Variants in FHAD1 observed in about 807,000 individuals in gnomAD.
FHAD1 encodes the protein forkhead associated phosphopeptide binding domain 1.
A neutral mutation model predicts 191.3 loss-of-function variants in FHAD1; 146 were observed. The ratio of observed to expected loss-of-function variants is 0.76; its 90% confidence interval spans 0.67 to 0.88. The LOEUF (loss-of-function observed/expected upper bound fraction) is 0.88. FHAD1 is among the 40% of genes least tolerant of loss of function. The pLI is 0.00. For missense variants in FHAD1, 1,635 were observed against 1,785.8 expected (o/e 0.92, Z 1.52); for synonymous variants, 616 against 672.3 (o/e 0.92, Z 1.29).
At chr1:15,344,104 A>C (rs908831543) in intron 16 of FHAD1, among the ~76,000 whole-genome samples, 10 of 152,210 alleles carry the variant, frequency 6.6e-5, no homozygotes, top group Non-Finnish European at 1.5e-5. Flanking sequence ...TCCCTGCCAG[A>C]CAGACTGTGA....
chr1:15,382,084 A>T lies in FHAD1; in HGVS notation c.4079A>T (p.Asp1360Val), dbSNP rs1320338895. The T allele has an allele frequency of 1.3e-6, 2 of 1,552,142 alleles. No individual in the cohort carries two copies. Among genetic ancestry groups the T allele is most frequent in the East Asian group, 2.4e-5 (1 of 40,904 alleles). ...TCGCAGGTGGCAAAGCTGGAGGATG[A>T]TATCTACAAAGAGGCCGAAGAGAAG... Reference protein sequence around the residue: ...YQSQVAKLEDDIYKEAEEKAL... With the variant: ...YQSQVAKLEDVIYKEAEEKAL... The change falls in exon 31 of 34, where the codon GAT (aspartate) becomes GTT (valine). Residue 1360 changes from aspartate (D) to valine (V), a missense_variant. Asp to Val is a radical substitution (Grantham distance 152). Coordinates refer to ENST00000688493, the MANE Select transcript of FHAD1 (RefSeq NM_001391957.1).
intron 31 of FHAD1, among the ~76,000 whole-genome samples, chr1:15,386,849 C>CTTT (rs59453670): frequency 0.1 from 14,875 of 144,112 alleles, 1,790 homozygotes; most frequent in African/African-American, 0.3. Flanking sequence ...TCCTTTCTTT[C>CTTT]TTTTTTTTTT....
At chr1:15,359,084 G>A (rs1489320103) in intron 21 of FHAD1, among the ~76,000 whole-genome samples, 2 of 152,134 alleles carry the variant, frequency 1.3e-5, no homozygotes, top group Non-Finnish European at 1.5e-5. Context: ...GGCGCCTGGG[G>A]ACCTGATGGC....
chr1:15,385,743 C>T (rs1375307015), intron 31 of FHAD1, among the ~76,000 whole-genome samples: 2 of 148,364 alleles, frequency 1.3e-5, no homozygotes, highest in African/African-American at 2.6e-5. Flanking sequence ...CCACTGCCCT[C>T]CAGCCTGGGC....
intron 23 of FHAD1, 88 bp downstream of exon 23, chr1:15,362,814 CA>C: frequency 9.9e-7 from 1 of 1,011,358 alleles, no homozygotes; most frequent in Admixed American, 2.0e-5. Flanking sequence ...CTACCTGGGC[CA>C]CATTGTCAGA....
Position 15,313,126 on chromosome 1 carries a change from T to G in FHAD1, c.1109T>G (p.Val370Gly), listed in dbSNP as rs971830072. ...CAAGTTCAACAACTAAAGGAAGAGG[T>G]CAGTCACCTAAAAAGTCAGAACAAG... ...DEQVQQLKEE[V>G]SHLKSQNKDK... The change falls in exon 8 of 34, where the codon GTC (valine) becomes GGC (glycine). Residue 370 changes from valine (V) to glycine (G), a missense_variant. Val to Gly is a moderately radical substitution (Grantham distance 109, BLOSUM62 -3). Coordinates refer to ENST00000688493, the MANE Select transcript of FHAD1 (RefSeq NM_001391957.1). 4.5e-6 allele frequency: 7 copies of G among 1,551,814 alleles called. No homozygotes were observed. The East Asian group carries it at 1.7e-4, about 38-fold the overall frequency.
intron 26 of FHAD1, among the ~76,000 whole-genome samples, chr1:15,371,754 AAGGGAACCAGCCACGC>A (rs1698170215): frequency 6.6e-6 from 1 of 152,166 alleles, no homozygotes; most frequent in African/African-American, 2.4e-5. Flanking sequence ...CCAGCGCTGG[AAGGGAACCAGCCACGC>A]ATCCTGTGAG....
intron 31 of FHAD1, among the ~76,000 whole-genome samples, chr1:15,386,849 C>CTTTTTT (rs59453670): frequency 6.9e-6 from 1 of 144,230 alleles, no homozygotes; most frequent in African/African-American, 2.6e-5. Flanking sequence ...TCCTTTCTTT[C>CTTTTTT]TTTTTTTTTT....
intron 2 of FHAD1, 74 bp from the exon 3 acceptor site, chr1:15,272,249 C>A: frequency 7.4e-7 from 1 of 1,355,618 alleles, no homozygotes; most frequent in Non-Finnish European, 1.0e-6. Flanking sequence ...ACAGGTAAGG[C>A]ACTCAGCTCA....
In FHAD1 at chr1:15,311,736, C is replaced by T. The variant is rs1419768120; in HGVS notation, c.1040-1321C>T. ...TAACCCAATACCACTGCATTATGCA[C>T]CCTTCTTCTCACTTTTTCTCAATGT... On this transcript the variant is annotated intron_variant, in intron 7 of 33. Transcript: ENST00000688493. This position sits in a 1 kb window ranked among gnomAD's most constrained non-coding sequence, Gnocchi z 4.1. 6.6e-6 allele frequency among the ~76,000 whole-genome samples: 1 copy of T among 152,164 alleles called. No individual in the cohort carries two copies. The highest frequency in any genetic ancestry group is 1.5e-5 in the Non-Finnish European group (1 of 68,036).
rs577535099 is a variant in FHAD1 at position 15,256,413 on chromosome 1, G to A, written c.93+4536G>A. 6.8e-4 allele frequency among the ~76,000 whole-genome samples: 103 copies of A among 152,186 alleles called. 1 individual carries two copies. The highest frequency in any genetic ancestry group is 2.4e-3 in the African/African-American group (100 of 41,546). On this transcript the variant is annotated intron_variant, in intron 2 of 33. Transcript: ENST00000688493. ...CACGCCTGTAATTCCAGTACTTTGG[G>A]AGGCCGAGGCGGGCGGATCACTTGA... is the stretch of plus-strand genomic sequence containing the variant.
At chr1:15,396,051 T>C (rs1039302553) in intron 33 of FHAD1, among the ~76,000 whole-genome samples, 2 of 152,240 alleles carry the variant, frequency 1.3e-5, no homozygotes, top group African/African-American at 4.8e-5. Flanking sequence ...GGCTCACACC[T>C]GTAATCCCAG....
At chr1:15,383,320 G>T (rs1701346315) in intron 31 of FHAD1, 4 of 449,002 alleles carry the variant, frequency 8.9e-6, no homozygotes, top group South Asian at 6.3e-5. Context: ...CCTGCCCAGG[G>T]CCTGGCACCA....
intron 18 of FHAD1, 29 bp downstream of exon 18, chr1:15,345,552 G>C: frequency 6.5e-7 from 1 of 1,530,144 alleles, no homozygotes; most frequent in East Asian, 2.5e-5. Context: ...AGTCGGCTGA[G>C]CCCCAGTCGG....
rs183137780 is a variant in FHAD1, at chr1:15,316,998, G to A, written c.1260+531G>A. On this transcript the variant is annotated intron_variant, in intron 9 of 33. Coordinates refer to ENST00000688493, the MANE Select transcript of FHAD1 (RefSeq NM_001391957.1). The surrounding 1 kb of genome is among the most constrained non-coding windows in gnomAD (Gnocchi z 4.3). ...CTCAGAGGTTCTAGACCAGCCTGGG[G>A]AACACGGTGAAACCCCGTCTCTACT... Among the ~76,000 whole-genome samples, 1 of 152,230 alleles carries A rather than the reference G, an allele frequency of 6.6e-6. No homozygotes were observed. The highest frequency in any genetic ancestry group is 1.5e-5 in the Non-Finnish European group (1 of 68,022).
At chr1:15,283,080 C>T (rs1661160735) in intron 3 of FHAD1, among the ~76,000 whole-genome samples, 1 of 152,226 alleles carries the variant, frequency 6.6e-6, no homozygotes, top group East Asian at 1.9e-4. Flanking sequence ...ATATTCATAT[C>T]CACATTTAAT....
intron 14 of FHAD1, among the ~76,000 whole-genome samples, chr1:15,338,672 C>T (rs1685270729): frequency 6.6e-6 from 1 of 152,124 alleles, no homozygotes; most frequent in Non-Finnish European, 1.5e-5. Context: ...CTGAATTCTG[C>T]CCACCCAACA....
chr1:15,277,237 C>T (rs983163390), intron 3 of FHAD1, among the ~76,000 whole-genome samples: 1 of 152,214 alleles, frequency 6.6e-6, no homozygotes, highest in Non-Finnish European at 1.5e-5. Flanking sequence ...CTCATGACAT[C>T]CTGCCCAACA....
intron 33 of FHAD1, among the ~76,000 whole-genome samples, chr1:15,391,926 C>A (rs1183417225): frequency 2.6e-5 from 4 of 152,318 alleles, no homozygotes; most frequent in Non-Finnish European, 1.5e-5. Flanking sequence ...GCTTACTCAT[C>A]CACACACTTG....
Sources: gnomAD v4.1 joint callset for allele counts (sites outside exome capture counted in the v4.1 genomes callset) on GRCh38, gnomAD v4.1.1 for gene constraint, Gnocchi (gnomAD v3.1) non-coding constraint, MANE v1.5 for transcripts, NCBI Gene and HGNC (gene_info 2026-07-23, HGNC 2026-07-21) for gene names.